The following EIF2AK1 variants were observed in gnomAD, a reference collection of about 807,000 sequenced individuals.
EIF2AK1 encodes the protein eukaryotic translation initiation factor 2-alpha kinase 1.
A neutral mutation model predicts 77.9 loss-of-function variants in EIF2AK1; 54 were observed. The observed-to-expected ratio is 0.69, with a 90% CI of 0.56 to 0.87. The LOEUF is 0.87. Ranked by LOEUF, EIF2AK1 falls within the 40% of genes least tolerant of loss-of-function variation. EIF2AK1 has a pLI of 0.00. For missense variants in EIF2AK1, 810 were observed against 768.6 expected, an observed-to-expected ratio of 1.05 and a Z score of -0.64; for synonymous variants, 314 against 290.5, an observed-to-expected ratio of 1.08 and a Z score of -0.82.
At chr7:6,047,348 C>T (rs891280275) in intron 4 of EIF2AK1, 2 of 540,826 alleles carry the variant, frequency 3.7e-6, no homozygotes, top group African/African-American at 3.8e-5. Context: ...CACTAACAGC[C>T]AGCAGTTGGT....
At position 6,024,652 on chromosome 7, in the gene EIF2AK1, C is replaced by T; in HGVS notation, c.*21G>A. On this transcript the variant is annotated 3_prime_UTR_variant, in exon 15 of 15. Transcript: ENST00000199389. ...TAAAAATTTACATTCCAGTTAACTACCTTAAAAGTTAAGTCCACTTTCATC... is the reference window on the plus strand; with the variant it reads ...TAAAAATTTACATTCCAGTTAACTATCTTAAAAGTTAAGTCCACTTTCATC... 1 of 1,613,688 alleles carries T rather than the reference C, an allele frequency of 6.2e-7. No individual in the cohort carries two copies. The highest frequency in any genetic ancestry group is 8.5e-7 in the Non-Finnish European group (1 of 1,179,896).
intron 2 of EIF2AK1, among the ~76,000 whole-genome samples, chr7:6,054,191 A>C (rs1206659969): frequency 5.5e-5 from 8 of 146,772 alleles, no homozygotes; most frequent in Non-Finnish European, 3.0e-5. Context: ...GAACAGCAAC[A>C]CAGTATTTTT....
chr7:6,023,061 A>G lies in EIF2AK1; in HGVS notation c.*1612T>C. 2.1e-6 allele frequency: 1 copy of G among 478,842 alleles called. No homozygotes were observed. Among genetic ancestry groups the G allele is most frequent in the Non-Finnish European group, 3.6e-6 (1 of 277,036 alleles). 29.7% of individuals were successfully genotyped at this position (478,842 alleles called of 1,614,324 possible). A position where few individuals can be genotyped will look rare whatever the true frequency, so the allele number is the denominator to read the frequency against. ...GTGGTCTGAGGTCCCTTCTAGCTTCAGAAGTGTCATAATCAAATACCAGGA... is the reference window on the plus strand; with the variant it reads ...GTGGTCTGAGGTCCCTTCTAGCTTCGGAAGTGTCATAATCAAATACCAGGA... On this transcript the variant is annotated 3_prime_UTR_variant, in exon 15 of 15. Transcript: ENST00000199389.
intron 11 of EIF2AK1, among the ~76,000 whole-genome samples, chr7:6,034,230 C>T (rs1191507385): frequency 6.6e-6 from 1 of 151,956 alleles, no homozygotes; most frequent in African/African-American, 2.4e-5. Context: ...TCGCTTGAAC[C>T]CGTGAGGCAG....
intron 7 of EIF2AK1, among the ~76,000 whole-genome samples, chr7:6,043,347 C>A (rs1788349849): frequency 6.6e-6 from 1 of 152,056 alleles, no homozygotes; most frequent in African/African-American, 2.4e-5. Context: ...GAGGCCGAGG[C>A]TCGAGGATCA....
chr7:6,028,259 T>G lies in EIF2AK1; in HGVS notation c.1530+356A>C, dbSNP rs893325780. Among the ~76,000 whole-genome samples, 83 of 152,246 alleles carry G rather than the reference T, an allele frequency of 5.5e-4. 1 individual carries two copies. Among genetic ancestry groups the G allele is most frequent in the African/African-American group, 1.3e-3 (53 of 41,558 alleles). ...TGCATTTCATTGTACTGTTTGTTTT[T>G]TTTTTTTTTGAGATGGAGTTTTGCT... On this transcript the variant is annotated intron_variant, in intron 13 of 14. Transcript: ENST00000199389.
At chr7:6,054,473 G>C (rs1464229202) in intron 2 of EIF2AK1, 73 bp downstream of exon 2, 4 of 1,552,740 alleles carry the variant, frequency 2.6e-6, no homozygotes, top group South Asian at 1.1e-5. Context: ...CAAAGTGCTG[G>C]GATTACAGGC....
intron 3 of EIF2AK1, among the ~76,000 whole-genome samples, chr7:6,049,095 C>A (rs1788526039): frequency 1.3e-5 from 2 of 152,144 alleles, no homozygotes; most frequent in Admixed American, 6.6e-5. Context: ...TGCCTGCCCA[C>A]CTCTCTCGCG....
Position 6,023,876 on chromosome 7 carries a change from T to A in EIF2AK1, c.*797A>T. 1 of 1,530,048 alleles carries A rather than the reference T, an allele frequency of 6.5e-7. No homozygotes were observed. The highest frequency in any genetic ancestry group is 8.8e-7 in the Non-Finnish European group (1 of 1,137,608). The allele number at this position is 1,530,048 out of a possible 1,614,324, so 94.8% of individuals were successfully genotyped here. A position where few individuals can be genotyped will look rare whatever the true frequency, so the allele number is the denominator to read the frequency against. On this transcript the variant is annotated 3_prime_UTR_variant, in exon 15 of 15. Coordinates refer to ENST00000199389, the MANE Select transcript of EIF2AK1 (RefSeq NM_014413.4). ...TAAAATTCAGCAAAATCATACGCCA[T>A]CTACCGTGATGACTGCCAACTCCAT... is the stretch of plus-strand genomic sequence containing the variant.
intron 2 of EIF2AK1, 71 bp downstream of exon 2, chr7:6,054,475 A>T: frequency 2.6e-6 from 4 of 1,560,406 alleles, no homozygotes; most frequent in Non-Finnish European, 3.5e-6. Flanking sequence ...AAGTGCTGGG[A>T]TTACAGGCAT....
At chr7:6,043,044 T>C in intron 7 of EIF2AK1, 51 bp from the exon 8 acceptor site, 1 of 1,569,786 alleles carries the variant, frequency 6.4e-7, no homozygotes, top group East Asian at 2.2e-5. Context: ...TTTTTCAAAT[T>C]GTAGTCAAAG....
chr7:6,036,378 A>G lies in EIF2AK1; in HGVS notation c.1332+1046T>C. ...CTACTGCTGTTATGACTTGGCATAT[A>G]CCTCTTGAAATAAGACCTCCCAGTT... On this transcript the variant is annotated intron_variant, in intron 11 of 14. Transcript: ENST00000199389. The surrounding 1 kb of genome is among the most constrained non-coding windows in gnomAD (Gnocchi z 4.6). 1.4e-6 allele frequency: 2 copies of G among 1,472,834 alleles called. No individual in the cohort carries two copies. Among genetic ancestry groups the G allele is most frequent in the Non-Finnish European group, 1.8e-6 (2 of 1,112,950 alleles). 91.2% of individuals were successfully genotyped at this position (1,472,834 alleles called of 1,614,324 possible). A position where few individuals can be genotyped will look rare whatever the true frequency, so the allele number is the denominator to read the frequency against.
rs146807765 is a variant in EIF2AK1 at position 6,024,696 on chromosome 7, C to T, written c.1870G>A (p.Gly624Arg). Residue 624 changes from glycine to arginine, a missense_variant, in exon 15 of 15, where the codon GGA (glycine) becomes AGA (arginine). By Grantham distance (125) the Gly-to-Arg change is moderately radical. Transcript: ENST00000199389. The part of the protein sequence containing the change: ...LSQDKGVRDD[G>R]KDGGVG ...TTTCATCCCACGCCCCCATCCTTTC[C>T]GTCATCCCTCACCCCTTTGTCTTGA... is the stretch of plus-strand genomic sequence containing the variant. 4.2e-5 allele frequency: 68 copies of T among 1,613,332 alleles called. 1 individual carries two copies. In the African/African-American group the frequency reaches 4.5e-4, roughly 11 times the overall value.
chr7:6,054,470 C>G, intron 2 of EIF2AK1, 76 bp downstream of exon 2: 1 of 1,541,680 alleles, frequency 6.5e-7, no homozygotes, highest in East Asian at 2.3e-5. Context: ...TCCCAAAGTG[C>G]TGGGATTACA....
Position 6,023,089 on chromosome 7 carries a change from G to A in EIF2AK1, c.*1584C>T. On this transcript the variant is annotated 3_prime_UTR_variant, in exon 15 of 15. Transcript: ENST00000199389. ...AGTGTCATAATCAAATACCAGGAAT[G>A]ACTCTTTGGTTACTTTTTTAACATA... 2 of 560,372 alleles carry A rather than the reference G, an allele frequency of 3.6e-6. No homozygotes were observed. Among genetic ancestry groups the A allele is most frequent in the Non-Finnish European group, 3.0e-6 (1 of 331,140 alleles). 34.7% of individuals were successfully genotyped at this position (560,372 alleles called of 1,614,324 possible).
At chr7:6,045,998 T>C in intron 6 of EIF2AK1, 73 bp downstream of exon 6, 1 of 995,664 alleles carries the variant, frequency 1.0e-6, no homozygotes, top group Non-Finnish European at 1.5e-6. Flanking sequence ...AATATACACA[T>C]ATACATGTAT....
Position 6,036,371 on chromosome 7 carries a change from G to A in EIF2AK1, c.1332+1053C>T. 1 of 1,479,814 alleles carries A rather than the reference G, an allele frequency of 6.8e-7. No individual in the cohort carries two copies. The highest frequency in any genetic ancestry group is 9.0e-7 in the Non-Finnish European group (1 of 1,115,982). 91.7% of individuals were successfully genotyped at this position (1,479,814 alleles called of 1,614,324 possible). ...ATTCTGTCTACTGCTGTTATGACTTGGCATATACCTCTTGAAATAAGACCT... is the reference window on the plus strand; with the variant it reads ...ATTCTGTCTACTGCTGTTATGACTTAGCATATACCTCTTGAAATAAGACCT... On this transcript the variant is annotated intron_variant, in intron 11 of 14. Transcript: ENST00000199389. This position sits in a 1 kb window ranked among gnomAD's most constrained non-coding sequence, Gnocchi z 4.6.
At chr7:6,051,209 A>G (rs1400271469) in intron 2 of EIF2AK1, among the ~76,000 whole-genome samples, 1 of 152,138 alleles carries the variant, frequency 6.6e-6, no homozygotes, top group Non-Finnish European at 1.5e-5. Flanking sequence ...AGTTTCCACA[A>G]AGGTGCCTTG....
At chr7:6,052,082 G>A (rs1237683041) in intron 2 of EIF2AK1, among the ~76,000 whole-genome samples, 1 of 147,566 alleles carries the variant, frequency 6.8e-6, no homozygotes, top group Non-Finnish European at 1.5e-5. Context: ...TGAGGCAAGA[G>A]AATCGCTTGA....
Sources: allele counts gnomAD v4.1 joint callset (sites outside exome capture counted in the v4.1 genomes callset), GRCh38; gene constraint gnomAD v4.1.1; non-coding constraint Gnocchi (gnomAD v3.1); transcripts MANE v1.5; gene names NCBI Gene and HGNC (gene_info 2026-07-23, HGNC 2026-07-21).